DGKB: variants seen among roughly 807,000 people sequenced by gnomAD.
DGKB encodes diacylglycerol kinase beta, also known as 90 kDa diacylglycerol kinase.
A neutral mutation model predicts 114.3 loss-of-function variants in DGKB; 67 were observed. The ratio of observed to expected loss-of-function variants is 0.59; its 90% confidence interval spans 0.48 to 0.72. The LOEUF (loss-of-function observed/expected upper bound fraction) is 0.72. Ranked by LOEUF, DGKB falls within the 30% of genes least tolerant of loss-of-function variation. The probability of loss-of-function intolerance (pLI) is 0.00; values close to 1 mark genes in which losing one functional copy is unlikely to be tolerated. For synonymous variants in DGKB, 398 were observed against 323.1 expected, an observed-to-expected ratio of 1.23 and a Z score of -2.49; for missense variants, 907 against 975.2, an observed-to-expected ratio of 0.93 and a Z score of 0.93.
At chr7:14,604,146 A>G (rs1409894643) in intron 17 of DGKB, among the ~76,000 whole-genome samples, 1 of 152,142 alleles carries the variant, frequency 6.6e-6, no homozygotes, top group African/African-American at 2.4e-5. Context: ...GAAACAACTT[A>G]TTTGAAAGAG....
chr7:14,824,069 T>A (rs1161497969), intron 2 of DGKB, among the ~76,000 whole-genome samples: 1 of 151,998 alleles, frequency 6.6e-6, no homozygotes, highest in Non-Finnish European at 1.5e-5. Flanking sequence ...GTAGGGGAAC[T>A]CCCCTTTATA....
chr7:14,558,391 C>A (rs988675414), intron 20 of DGKB, among the ~76,000 whole-genome samples: 1 of 151,780 alleles, frequency 6.6e-6, no homozygotes, highest in Non-Finnish European at 1.5e-5. Flanking sequence ...GTATAGTTTG[C>A]CATTTTTCCT....
chr7:14,253,643 G>T (rs773161622), intron 23 of DGKB, among the ~76,000 whole-genome samples: 7 of 152,074 alleles, frequency 4.6e-5, no homozygotes, highest in Non-Finnish European at 8.8e-5. Flanking sequence ...TGAATACTGC[G>T]ATGTAAATGA....
chr7:14,903,593 C>T (rs1021153676), upstream of DGKB, among the ~76,000 whole-genome samples: 2 of 152,142 alleles, frequency 1.3e-5, no homozygotes, highest in Non-Finnish European at 2.9e-5. Context: ...GCCACTTCTA[C>T]CAATTGTAGC....
In DGKB at chr7:14,515,775, C is replaced by T. The variant is rs79005835; in HGVS notation, c.1771-37550G>A. On this transcript the variant is annotated intron_variant, in intron 20 of 25. Coordinates refer to ENST00000402815, the MANE Select transcript of DGKB (RefSeq NM_001350709.2). ...TTTTCTTAAAACTACTTGGATTATA[C>T]GTAAATAATGTAGTTATTACAGAAC... Among the ~76,000 whole-genome samples, 1,334 of 152,176 alleles carry T rather than the reference C, an allele frequency of 8.8e-3. 27 individuals carry two copies. The highest frequency in any genetic ancestry group is 0.03 in the African/African-American group (1,243 of 41,528).
At chr7:14,171,177 G>C (rs559187911) in intron 25 of DGKB, among the ~76,000 whole-genome samples, 2 of 152,250 alleles carry the variant, frequency 1.3e-5, no homozygotes, top group East Asian at 3.9e-4. Context: ...TTATGCCAGG[G>C]AAGGTACAGA....
intron 12 of DGKB, among the ~76,000 whole-genome samples, chr7:14,681,886 G>C (rs1394077508): frequency 1.3e-5 from 2 of 151,998 alleles, no homozygotes; most frequent in African/African-American, 4.8e-5. Flanking sequence ...ATCAAGACAA[G>C]CATTTACATC....
intron 1 of DGKB, among the ~76,000 whole-genome samples, chr7:14,909,490 A>G (rs2128242840): frequency 6.6e-6 from 1 of 152,226 alleles, no homozygotes; most frequent in African/African-American, 2.4e-5. Flanking sequence ...GCACTTTAAT[A>G]ATTTGTAGAA....
chr7:14,892,439 T>C (rs1781395763), intron 1 of DGKB, among the ~76,000 whole-genome samples: 1 of 151,342 alleles, frequency 6.6e-6, no homozygotes, highest in Admixed American at 6.6e-5. Context: ...AGATAATAGA[T>C]GACACTGAGG....
chr7:14,268,155 A>G (rs982462812), intron 23 of DGKB, among the ~76,000 whole-genome samples: 3 of 152,014 alleles, frequency 2.0e-5, no homozygotes, highest in Admixed American at 2.0e-4. Flanking sequence ...CATGACCTCT[A>G]GATTTAAAAA....
rs551618345 is a variant in DGKB at position 14,689,199 on chromosome 7, A to ATTTTTTTTTTTTTTTTTTTTTTTTTTT, written c.712-3838_712-3837insAAAAAAAAAAAAAAAAAAAAAAAAAAA. Among the ~76,000 whole-genome samples the ATTTTTTTTTTTTTTTTTTTTTTTTTTT allele has an allele frequency of 1.3e-4, 10 of 76,564 alleles. 3 individuals are homozygous for ATTTTTTTTTTTTTTTTTTTTTTTTTTT. The highest frequency in any genetic ancestry group is 1.2e-4 in the African/African-American group (3 of 24,246). The allele number at this position is 76,564 out of a possible 152,430, so 50.2% of individuals were successfully genotyped here. A position where few individuals can be genotyped will look rare whatever the true frequency, so the allele number is the denominator to read the frequency against. On this transcript the variant is annotated intron_variant, in intron 9 of 25. Coordinates refer to ENST00000402815, the MANE Select transcript of DGKB (RefSeq NM_001350709.2). ...TGACAATGTGACAGAAACTCCTCTT[A>ATTTTTTTTTTTTTTTTTTTTTTTTTTT]TTTTTTTTTTTTTTTTTTTTTTTTT...
At chr7:14,689,181 G>A (rs1275322121) in intron 9 of DGKB, among the ~76,000 whole-genome samples, 1 of 136,186 alleles carries the variant, frequency 7.3e-6, no homozygotes, top group Non-Finnish European at 1.6e-5. Flanking sequence ...TTATGACAAT[G>A]TGACAGAAAC....
chr7:14,505,447 C>A (rs965482411), intron 20 of DGKB, among the ~76,000 whole-genome samples: 13 of 150,560 alleles, frequency 8.6e-5, no homozygotes, highest in Non-Finnish European at 1.3e-4. Context: ...GAGTGAGACT[C>A]CGTCTCGAAA....
At position 14,236,546 on chromosome 7, in the gene DGKB, C is replaced by G. The variant is rs116214489; in HGVS notation, c.2123-58395G>C. ...GAGAATCAAATTTTTTACAGCTGAT[C>G]GATGTAATATAGTTCTGTAATTTTC... On this transcript the variant is annotated intron_variant, in intron 23 of 25. Coordinates refer to ENST00000402815, the MANE Select transcript of DGKB (RefSeq NM_001350709.2). Among the ~76,000 whole-genome samples the G allele has an allele frequency of 3.9e-3, 593 of 151,820 alleles. 4 individuals carry two copies. Among genetic ancestry groups the G allele is most frequent in the Middle Eastern group, 0.014 (4 of 294 alleles).
At chr7:14,169,560 C>T (rs1214663042) in intron 25 of DGKB, among the ~76,000 whole-genome samples, 1 of 151,970 alleles carries the variant, frequency 6.6e-6, no homozygotes, top group Admixed American at 6.6e-5. Flanking sequence ...TCCTATGAGG[C>T]ATAGCAGTCT....
At chr7:14,909,532 T>C (rs1375957366) in intron 1 of DGKB, among the ~76,000 whole-genome samples, 1 of 152,196 alleles carries the variant, frequency 6.6e-6, no homozygotes, top group Non-Finnish European at 1.5e-5. Context: ...ATTTAACATG[T>C]TTAAAATAGT....
chr7:14,196,799 A>T (rs189682524), intron 23 of DGKB, among the ~76,000 whole-genome samples: 279 of 147,194 alleles, frequency 1.9e-3, no homozygotes, highest in Non-Finnish European at 2.9e-3. Flanking sequence ...AGCTTGAATT[A>T]AAAAAAAAAT....
At chr7:14,541,398 C>G (rs567180694) in intron 20 of DGKB, among the ~76,000 whole-genome samples, 5 of 152,280 alleles carry the variant, frequency 3.3e-5, no homozygotes, top group Admixed American at 2.6e-4. Context: ...GTAGTTGATA[C>G]AGCCTGCTCT....
chr7:14,166,994 G>C (rs566710153), intron 25 of DGKB, among the ~76,000 whole-genome samples: 1 of 152,230 alleles, frequency 6.6e-6, no homozygotes, highest in African/African-American at 2.4e-5. Context: ...CGGATTGCCT[G>C]AGCTCAGAAG....
Sources: allele counts gnomAD v4.1 joint callset (sites outside exome capture counted in the v4.1 genomes callset), GRCh38; gene constraint gnomAD v4.1.1; transcripts MANE v1.5; gene names NCBI Gene and HGNC (gene_info 2026-07-23, HGNC 2026-07-21).